The following ADAMTSL2 variants were observed in gnomAD, a reference collection of about 807,000 sequenced individuals.
ADAMTSL2 encodes ADAMTS-like protein 2.
ADAMTSL2 carries 55 observed loss-of-function variants against 117.0 expected under a neutral mutation model. The observed-to-expected ratio is 0.47, with a 90% confidence interval of 0.38 to 0.59. ADAMTSL2 has a LOEUF of 0.59. Among genes scored for constraint, ADAMTSL2 ranks in the 20% least tolerant of loss-of-function variants. The pLI, the probability that ADAMTSL2 is intolerant of heterozygous loss-of-function variation, is 0.00. For missense variants in ADAMTSL2, 1,182 were observed against 1,354.5 expected (o/e 0.87, Z 2.00); for synonymous variants, 572 against 566.4 (o/e 1.01, Z -0.14).
At chr9:133,566,719 G>A (rs1830982557) in intron 12 of ADAMTSL2, among the ~76,000 whole-genome samples, 1 of 152,054 alleles carries the variant, frequency 6.6e-6, no homozygotes, top group African/African-American at 2.4e-5. Context: ...CAGCTGGGTT[G>A]GGTGGGGCGG....
intron 9 of ADAMTSL2, among the ~76,000 whole-genome samples, chr9:133,551,628 G>A (rs1414516050): frequency 1.3e-5 from 2 of 151,600 alleles, no homozygotes; most frequent in East Asian, 3.9e-4. Flanking sequence ...CAGAACCATA[G>A]GGTGCTATGT....
At chr9:133,566,775 C>G (rs372670866) in intron 12 of ADAMTSL2, 161 bp from the exon 13 acceptor site, 47 of 942,918 alleles carry the variant, frequency 5.0e-5, no homozygotes, top group East Asian at 4.5e-4. Context: ...AGCTCAGACC[C>G]ACAGTGCTGC....
chr9:133,541,746 C>A (rs1016205739), intron 7 of ADAMTSL2, among the ~76,000 whole-genome samples: 5 of 152,250 alleles, frequency 3.3e-5, no homozygotes, highest in Non-Finnish European at 7.3e-5. Context: ...TTCCCTTGGG[C>A]AGCACCTGTC....
intron 7 of ADAMTSL2, among the ~76,000 whole-genome samples, chr9:133,541,823 G>A (rs1200173645): frequency 2.0e-5 from 3 of 152,232 alleles, no homozygotes; most frequent in South Asian, 4.1e-4. Flanking sequence ...CTCATCGGGG[G>A]TGGGCGTCTG....
At chr9:133,532,884 C>A (rs1829970209), upstream of ADAMTSL2, among the ~76,000 whole-genome samples, 1 of 152,206 alleles carries the variant, frequency 6.6e-6, no homozygotes, top group East Asian at 1.9e-4. Context: ...CCCCACAGAC[C>A]CGTCTCCCAG....
intron 9 of ADAMTSL2, among the ~76,000 whole-genome samples, chr9:133,553,522 A>G (rs1184804540): frequency 2.6e-5 from 4 of 152,100 alleles, no homozygotes; most frequent in Non-Finnish European, 4.4e-5. Flanking sequence ...CACTTGAGCT[A>G]TTGCACCAAT....
intron 12 of ADAMTSL2, among the ~76,000 whole-genome samples, chr9:133,561,972 A>G (rs1018500292): frequency 1.3e-5 from 2 of 152,214 alleles, no homozygotes; most frequent in Non-Finnish European, 2.9e-5. Context: ...ATCAGGATAC[A>G]GGGCCGTTGA....
chr9:133,567,763 C>T (rs1831008791), intron 13 of ADAMTSL2, among the ~76,000 whole-genome samples: 2 of 152,226 alleles, frequency 1.3e-5, no homozygotes, highest in African/African-American at 4.8e-5. Flanking sequence ...TGGGGTCCAG[C>T]AGGCCCTGTC....
At chr9:133,544,370 A>G in intron 7 of ADAMTSL2, 100 bp from the exon 8 acceptor site, 1 of 1,012,850 alleles carries the variant, frequency 9.9e-7, no homozygotes, top group South Asian at 1.3e-5. Flanking sequence ...CAGCCCTTAG[A>G]CAGCCACCGC....
rs1426872526 is a variant in ADAMTSL2, at chr9:133,557,627, CTG to C, written c.1649+1701_1649+1702del. On this transcript the variant is annotated intron_variant, in intron 11 of 18. Coordinates refer to ENST00000651351, the MANE Select transcript of ADAMTSL2 (RefSeq NM_014694.4). This position sits in a 1 kb window ranked among gnomAD's most constrained non-coding sequence, Gnocchi z 5.2. ...GCACTACTCAAGGCTGCCAGTCTGT[CTG>C]TGTCTTCAGCGTGGGCCCTCTTCAC... Among the ~76,000 whole-genome samples, 7 of 152,110 alleles carry C rather than the reference CTG, an allele frequency of 4.6e-5. No homozygotes were observed. Among genetic ancestry groups the C allele is most frequent in the African/African-American group, 9.7e-5 (4 of 41,442 alleles).
At chr9:133,532,899 C>A (rs1208352598), upstream of ADAMTSL2, among the ~76,000 whole-genome samples, 1 of 152,182 alleles carries the variant, frequency 6.6e-6, no homozygotes, top group Admixed American at 6.5e-5. Context: ...TCCCAGGTGG[C>A]CAGCCTGCAG....
At chr9:133,544,631 C>T in intron 8 of ADAMTSL2, 81 bp downstream of exon 8, 1 of 1,190,434 alleles carries the variant, frequency 8.4e-7, no homozygotes, top group Non-Finnish European at 1.3e-6. Flanking sequence ...GGGCACTTGA[C>T]CCTGGACCCC....
At chr9:133,537,620 T>A in intron 3 of ADAMTSL2, 73 bp downstream of exon 3, 2 of 1,290,804 alleles carry the variant, frequency 1.5e-6, no homozygotes, top group Non-Finnish European at 2.0e-6. Context: ...GGCGGTTGGC[T>A]CTTCAGCCTG....
At chr9:133,532,222 A>C (rs887765873), upstream of ADAMTSL2, 1 of 151,748 alleles carries the variant, frequency 6.6e-6, no homozygotes. Flanking sequence ...TTTGAGACGG[A>C]ATCTCACTCT....
intron 7 of ADAMTSL2, among the ~76,000 whole-genome samples, chr9:133,543,821 T>C (rs11522324): frequency 0.83 from 126,226 of 152,174 alleles, 52,945 homozygotes; most frequent in Non-Finnish European, 0.9. Flanking sequence ...TCTCCTTCTC[T>C]GAGCACCTCC....
At chr9:133,552,579 T>C (rs1436819574) in intron 9 of ADAMTSL2, among the ~76,000 whole-genome samples, 1 of 152,206 alleles carries the variant, frequency 6.6e-6, no homozygotes, top group Non-Finnish European at 1.5e-5. Flanking sequence ...GTCCACCTTC[T>C]TGACAGGGAT....
At chr9:133,565,879 A>G (rs1830961242) in intron 12 of ADAMTSL2, among the ~76,000 whole-genome samples, 1 of 150,944 alleles carries the variant, frequency 6.6e-6, no homozygotes, top group Admixed American at 6.6e-5. Flanking sequence ...ACACACAGCC[A>G]CAGCAGAAGC....
upstream of ADAMTSL2, among the ~76,000 whole-genome samples, chr9:133,533,876 C>G (rs1829989199): frequency 6.6e-6 from 1 of 152,188 alleles, no homozygotes; most frequent in African/African-American, 2.4e-5. Flanking sequence ...AGGATGGGCT[C>G]TGGGGAAGCT....
intron 9 of ADAMTSL2, among the ~76,000 whole-genome samples, chr9:133,552,490 G>A (rs954609632): frequency 6.6e-6 from 1 of 152,348 alleles, no homozygotes; most frequent in Admixed American, 6.5e-5. Context: ...GTAATTGGGA[G>A]CGGGAGCGTA....
Sources: allele counts gnomAD v4.1 joint callset (sites outside exome capture counted in the v4.1 genomes callset), GRCh38; gene constraint gnomAD v4.1.1; non-coding constraint Gnocchi (gnomAD v3.1); transcripts MANE v1.5; gene names NCBI Gene and HGNC (gene_info 2026-07-23, HGNC 2026-07-21).